The following KMT2A variants were observed in gnomAD, a reference collection of about 807,000 sequenced individuals.
KMT2A encodes the protein lysine methyltransferase 2A.
In KMT2A, 16 loss-of-function variants were observed where a neutral mutation model predicts 345.3. That is an observed-to-expected ratio of 0.05 (90% confidence interval 0.03 to 0.07). The LOEUF is 0.07. Among genes scored for constraint, KMT2A ranks in the 10% least tolerant of loss-of-function variants. The pLI is 1.00. For synonymous variants in KMT2A, 1,599 were observed against 1,778.6 expected, an observed-to-expected ratio of 0.90 and a Z score of 2.54; for missense variants, 3,272 against 4,841.6, an observed-to-expected ratio of 0.68 and a Z score of 9.62.
chr11:118,520,955 G>A lies in KMT2A; in HGVS notation c.11513+70G>A. 8.6e-7 allele frequency: 1 copy of A among 1,164,724 alleles called. No homozygotes were observed. Among genetic ancestry groups the A allele is most frequent in the Non-Finnish European group, 1.3e-6 (1 of 774,444 alleles). The allele number at this position is 1,164,724 out of a possible 1,614,324, so 72.1% of individuals were successfully genotyped here. On this transcript the variant is annotated intron_variant, in intron 34 of 35. Coordinates refer to ENST00000534358, the MANE Select transcript of KMT2A (RefSeq NM_001197104.2). The surrounding 1 kb of genome is among the most constrained non-coding windows in gnomAD (Gnocchi z 4.3). ...TTTTCAAAATCAAAGCAGACCAAAT[G>A]CTGGAGTGACCTTCCTCACTCAGTA...
At chr11:118,480,984 T>G (rs1314629775) in intron 6 of KMT2A, among the ~76,000 whole-genome samples, 1 of 152,092 alleles carries the variant, frequency 6.6e-6, no homozygotes, top group Non-Finnish European at 1.5e-5. Context: ...GGTGTATATA[T>G]TTATGGGGGT....
chr11:118,453,524 C>T (rs1251376188), intron 1 of KMT2A, among the ~76,000 whole-genome samples: 2 of 152,114 alleles, frequency 1.3e-5, no homozygotes, highest in Admixed American at 6.5e-5. Context: ...CAGGAGTCTA[C>T]TTTTCACTGC....
intron 1 of KMT2A, among the ~76,000 whole-genome samples, chr11:118,453,253 TG>T (rs1276791559): frequency 2.0e-5 from 3 of 152,202 alleles, no homozygotes; most frequent in Admixed American, 2.0e-4. Flanking sequence ...CTACTCCAGT[TG>T]GGCTTTTATC....
In KMT2A at chr11:118,491,675, ATAG is replaced by A; in HGVS notation, c.4820-67_4820-65del. ...ATGGCTTTATAGTAAGTTCAGTGGA[ATAG>A]TTTCCTCTTCTTCCTCTCTCTCATT... On this transcript the variant is annotated intron_variant, in intron 14 of 35. Transcript: ENST00000534358. The surrounding 1 kb of genome is among the most constrained non-coding windows in gnomAD (Gnocchi z 4.2). The A allele has an allele frequency of 8.2e-7, 1 of 1,216,294 alleles. No individual in the cohort carries two copies. Among genetic ancestry groups the A allele is most frequent in the Non-Finnish European group, 1.2e-6 (1 of 863,144 alleles). 75.3% of individuals were successfully genotyped at this position (1,216,294 alleles called of 1,614,324 possible). A position where few individuals can be genotyped will look rare whatever the true frequency, so the allele number is the denominator to read the frequency against.
chr11:118,499,059 T>G (rs1346596595), intron 22 of KMT2A, among the ~76,000 whole-genome samples: 3 of 152,248 alleles, frequency 2.0e-5, no homozygotes, highest in Non-Finnish European at 4.4e-5. Flanking sequence ...TTTAGTTGCT[T>G]TTTGAATTAT....
chr11:118,462,171 C>T (rs1949756439), intron 1 of KMT2A, among the ~76,000 whole-genome samples: 1 of 152,100 alleles, frequency 6.6e-6, no homozygotes, highest in African/African-American at 2.4e-5. Context: ...CCAGGCTGAT[C>T]TCGAACTCCT....
chr11:118,452,481 A>G (rs1021223181), intron 1 of KMT2A, among the ~76,000 whole-genome samples: 1 of 152,238 alleles, frequency 6.6e-6, no homozygotes, highest in Middle Eastern at 3.4e-3. Flanking sequence ...GCCGTGAGGT[A>G]TGATCATACC....
Position 118,505,068 on chromosome 11 carries a change from C to T in KMT2A, c.9176C>T (p.Pro3059Leu), listed in dbSNP as rs782800112. ...YVPNSTDSPGPSQISNAAVQT... is the reference protein window; with the variant it reads ...YVPNSTDSPGLSQISNAAVQT... ...CCCAATTCTACTGATAGTCCTGGCCCGTCTCAGATTTCCAATGCAGCTGTC... is the reference window on the plus strand; with the variant it reads ...CCCAATTCTACTGATAGTCCTGGCCTGTCTCAGATTTCCAATGCAGCTGTC... Residue 3059 changes from proline (P) to leucine (L), a missense_variant, in exon 27 of 36, where the codon CCG becomes CTG. Physicochemically the swap from Pro to Leu is moderately conservative, Grantham distance 98. Transcript: ENST00000534358. The surrounding 1 kb of genome is among the most constrained non-coding windows in gnomAD (Gnocchi z 4.6). The T allele has an allele frequency of 4.1e-5, 66 of 1,613,942 alleles. No homozygotes were observed. In the South Asian group the frequency reaches 6.7e-4, roughly 16 times the overall value.
rs1950532267 is a variant in KMT2A, at chr11:118,503,369, A to G, written c.7477A>G (p.Lys2493Glu). 1.9e-6 allele frequency: 3 copies of G among 1,614,130 alleles called. No individual in the cohort carries two copies. The highest frequency in any genetic ancestry group is 2.5e-6 in the Non-Finnish European group (3 of 1,180,030). Residue 2493 changes from lysine to glutamate, a missense_variant, in exon 27 of 36, where the codon AAA (lysine) becomes GAA (glutamate). By Grantham distance (56) the Lys-to-Glu change is moderately conservative. Coordinates refer to ENST00000534358, the MANE Select transcript of KMT2A (RefSeq NM_001197104.2). This position sits in a 1 kb window ranked among gnomAD's most constrained non-coding sequence, Gnocchi z 5.3. ...NNVSSDKIGDKGLSMPGVPKA... is the reference protein window; with the variant it reads ...NNVSSDKIGDEGLSMPGVPKA... ...TGTTTCTTCTGATAAGATTGGTGAT[A>G]AAGGCCTTTCTATGCCAGGAGTCCC...
At position 118,488,611 on chromosome 11, in the gene KMT2A, TA is replaced by T; in HGVS notation, c.4333-2del. ...CTTCTATCTTCCCATGTTCTTACTA[TA>T]GTTTGTGTATTGCCAAGTCTGTTGT... On this transcript the variant is annotated splice_acceptor_variant, in intron 10 of 35. Transcript: ENST00000534358. LOFTEE classifies it high-confidence loss of function. 1 of 1,613,544 alleles carries T rather than the reference TA, an allele frequency of 6.2e-7. No individual in the cohort carries two copies. The highest frequency in any genetic ancestry group is 1.6e-4 in the Middle Eastern group (1 of 6,062).
chr11:118,503,012 C>T lies in KMT2A; in HGVS notation c.7120C>T (p.His2374Tyr), dbSNP rs1192437631. ...AGAGGCCCTCTCCTTCCCACACCTC[C>T]ATTTGAGAGGGCAAAGGAATGATCG... Reference protein sequence around the residue: ...SKEALSFPHLHLRGQRNDRDQ... With the variant: ...SKEALSFPHLYLRGQRNDRDQ... Residue 2374 changes from histidine (H) to tyrosine (Y), a missense_variant, in exon 27 of 36, where the codon CAT becomes TAT. Around this residue, in one of 27 missense-constraint regions of KMT2A, gnomAD observed 445 missense variants for 500.9 expected, o/e 0.89. Transcript: ENST00000534358. This position sits in a 1 kb window ranked among gnomAD's most constrained non-coding sequence, Gnocchi z 5.3. 3 of 1,613,894 alleles carry T rather than the reference C, an allele frequency of 1.9e-6. No homozygotes were observed. Among genetic ancestry groups the T allele is most frequent in the Non-Finnish European group, 2.5e-6 (3 of 1,180,038 alleles).
intron 31 of KMT2A, among the ~76,000 whole-genome samples, chr11:118,514,475 CTG>C (rs1268155315): frequency 6.6e-6 from 1 of 151,206 alleles, no homozygotes; most frequent in Non-Finnish European, 1.5e-5. Context: ...GAGTCTTACT[CTG>C]TCACCCAGGC....
Position 118,472,376 on chromosome 11 carries a change from T to G in KMT2A, c.1217T>G (p.Ile406Ser). ...AAGGTGAAGACACAGGTCAAAAATA[T>G]TCGACAGTTCATCATGCCTGTTGTC... The part of the protein sequence containing the change: ...GRKVKTQVKN[I>S]RQFIMPVVSA... Residue 406 changes from isoleucine (I) to serine (S), a missense_variant, in exon 3 of 36, where the codon ATT becomes AGT. Coordinates refer to ENST00000534358, the MANE Select transcript of KMT2A (RefSeq NM_001197104.2). 1 of 1,614,038 alleles carries G rather than the reference T, an allele frequency of 6.2e-7. No individual in the cohort carries two copies. The highest frequency in any genetic ancestry group is 8.5e-7 in the Non-Finnish European group (1 of 1,180,004).
rs782541447 is a variant in KMT2A at position 118,436,821 on chromosome 11, G to A, written c.309G>A (p.Pro103=). 34 of 1,608,414 alleles carry A rather than the reference G, an allele frequency of 2.1e-5. No homozygotes were observed. The highest frequency in any genetic ancestry group is 6.7e-5 in the African/African-American group (5 of 74,670). Residue 103 remains proline (P), a synonymous_variant, in exon 1 of 36, where the codon CCG becomes CCA. Transcript: ENST00000534358. This position sits in a 1 kb window ranked among gnomAD's most constrained non-coding sequence, Gnocchi z 6.9. The stretch of plus-strand genomic sequence containing the variant: ...CATCGTCCTCAGCCTCTTCAGGGCC[G>A]GCCCTGCTCCGGGTGGGCCCGGGCT... ...SSSSSSASSG[P]ALLRVGPGFD... is the part of the protein sequence containing the mutation.
In KMT2A at chr11:118,519,672, T is replaced by C. The variant is rs782291827; in HGVS notation, c.11201T>C (p.Ile3734Thr). 10 of 1,614,180 alleles carry C rather than the reference T, an allele frequency of 6.2e-6. No individual in the cohort carries two copies. The Admixed American group carries it at 1.5e-4, about 24-fold the overall frequency. ...GILHDAVVFL[I>T]EQLSGAKHCR... ...CTCCATGATGCAGTTGTGTTCCTCA[T>C]TGAGCAGCTGTCTGGTGCCAAGCAC... The change falls in exon 32 of 36, where the codon ATT becomes ACT. Residue 3734 changes from isoleucine (I) to threonine (T), a missense_variant. Transcript: ENST00000534358.
chr11:118,449,661 A>G (rs1027607717), intron 1 of KMT2A: 15 of 151,984 alleles, frequency 9.9e-5, no homozygotes, highest in African/African-American at 3.6e-4. Context: ...GCCAAGAAGA[A>G]TGTTCACTTT....
At position 118,472,880 on chromosome 11, in the gene KMT2A, C is replaced by T; in HGVS notation, c.1721C>T (p.Pro574Leu). Residue 574 changes from proline to leucine, a missense_variant, in exon 3 of 36, where the codon CCA becomes CTA. Pro to Leu is a moderately conservative substitution (Grantham distance 98). Coordinates refer to ENST00000534358, the MANE Select transcript of KMT2A (RefSeq NM_001197104.2). ...CTGACTCCACCGCCACCACTGCAGCCAGCCTCCAGTATCTCTGACCACACA... is the reference window on the plus strand; with the variant it reads ...CTGACTCCACCGCCACCACTGCAGCTAGCCTCCAGTATCTCTGACCACACA... ...PLLTPPPPLQPASSISDHTPW... is the reference protein window; with the variant it reads ...PLLTPPPPLQLASSISDHTPW... 6.2e-7 allele frequency: 1 copy of T among 1,614,064 alleles called. No individual in the cohort carries two copies. Among genetic ancestry groups the T allele is most frequent in the Non-Finnish European group, 8.5e-7 (1 of 1,180,006 alleles).
Position 118,497,910 on chromosome 11 carries a change from A to G in KMT2A, c.5665-26A>G. The G allele has an allele frequency of 6.3e-7, 1 of 1,589,328 alleles. No homozygotes were observed. Among genetic ancestry groups the G allele is most frequent in the Non-Finnish European group, 8.6e-7 (1 of 1,159,094 alleles). On this transcript the variant is annotated intron_variant, in intron 20 of 35. Coordinates refer to ENST00000534358, the MANE Select transcript of KMT2A (RefSeq NM_001197104.2). The surrounding 1 kb of genome is among the most constrained non-coding windows in gnomAD (Gnocchi z 4.8). ...CTCCTTTGGCATTATATTCTTTAGG[A>G]AAAAAGAAATCTCTTTATTTTATAG...
intron 3 of KMT2A, 47 bp downstream of exon 3, chr11:118,474,362 C>T: frequency 6.4e-7 from 1 of 1,572,662 alleles, no homozygotes; most frequent in East Asian, 2.3e-5. Context: ...TTATTGAGCC[C>T]TTTCTATGGG....
Sources: allele counts gnomAD v4.1 joint callset (sites outside exome capture counted in the v4.1 genomes callset), GRCh38; gene constraint gnomAD v4.1.1; regional missense constraint gnomAD v4.1.1; non-coding constraint Gnocchi (gnomAD v3.1); transcripts MANE v1.5; gene names NCBI Gene and HGNC (gene_info 2026-07-23, HGNC 2026-07-21).